CSMD2: variants seen among roughly 807,000 people sequenced by gnomAD.
CSMD2 encodes the protein CUB and Sushi multiple domains 2, also known as CUB and sushi domain-containing protein 2.
A neutral mutation model predicts 398.5 loss-of-function variants in CSMD2; 130 were observed. The ratio of observed to expected loss-of-function variants is 0.33; its 90% CI spans 0.28 to 0.38. The LOEUF (loss-of-function observed/expected upper bound fraction) is 0.38, where lower values mean the gene tolerates loss of function less well. Among genes scored for constraint, CSMD2 ranks in the 10% least tolerant of loss-of-function variants. The pLI, the probability that CSMD2 is intolerant of heterozygous loss-of-function variation, is 1.00. For synonymous variants in CSMD2, 1,828 were observed against 1,908.5 expected (o/e 0.96, Z 1.10); for missense variants, 3,829 against 4,764.9 (o/e 0.80, Z 5.78).
At chr1:33,730,402 G>A (rs80277992) in intron 15 of CSMD2, among the ~76,000 whole-genome samples, 8,312 of 152,166 alleles carry the variant, frequency 0.055, 271 homozygotes, top group East Asian at 0.12. Flanking sequence ...TATATATTTA[G>A]CTTTGGAACT....
At chr1:33,834,076 C>T (rs1305900787) in intron 6 of CSMD2, among the ~76,000 whole-genome samples, 1 of 120,632 alleles carries the variant, frequency 8.3e-6, no homozygotes, top group African/African-American at 3.6e-5. Flanking sequence ...CCATACTGCC[C>T]AAGGTAATTT....
intron 3 of CSMD2, among the ~76,000 whole-genome samples, chr1:33,973,448 C>T (rs1011150947): frequency 6.6e-6 from 1 of 152,182 alleles, no homozygotes; most frequent in African/African-American, 2.4e-5. Context: ...TTCATTGACC[C>T]CATGCACTGC....
intron 25 of CSMD2, among the ~76,000 whole-genome samples, chr1:33,665,458 CTCTTT>C (rs892024955): frequency 4.1e-5 from 5 of 122,162 alleles, no homozygotes; most frequent in Non-Finnish European, 6.7e-5. Context: ...TCTTTCTTCT[CTCTTT>C]TTTTTTTTTT....
intron 12 of CSMD2, among the ~76,000 whole-genome samples, chr1:33,782,670 G>A (rs1048088600): frequency 6.6e-6 from 1 of 152,186 alleles, no homozygotes; most frequent in Admixed American, 6.5e-5. Context: ...GATTATGACT[G>A]AGTAGATCCT....
intron 24 of CSMD2, among the ~76,000 whole-genome samples, chr1:33,694,611 G>A (rs1367153626): frequency 3.9e-5 from 6 of 152,016 alleles, no homozygotes; most frequent in African/African-American, 7.2e-5. Context: ...TTCCCCTTCC[G>A]CCATGATTGT....
In CSMD2 at chr1:33,652,476, A is replaced by C. The variant is rs190720465; in HGVS notation, c.4448-15T>G. On this transcript the variant is annotated splice_polypyrimidine_tract_variant and intron_variant, in intron 27 of 70. Transcript: ENST00000373381. ...CCCGCAGGGAGCTGAGGAGAGAAGA[A>C]GACGAGGGTGAGGCTGCCTCTTCAC... The C allele has an allele frequency of 4.3e-4, 693 of 1,612,772 alleles. 4 individuals are homozygous for C. In the African/African-American group the frequency reaches 8.1e-3, roughly 19 times the overall value.
intron 15 of CSMD2, among the ~76,000 whole-genome samples, chr1:33,731,921 C>G (rs919610881): frequency 1.3e-5 from 2 of 152,098 alleles, no homozygotes; most frequent in Non-Finnish European, 1.5e-5. Flanking sequence ...ATCCCAGAAC[C>G]AGCAGGGTGG....
chr1:33,889,451 C>T (rs1250201061), intron 5 of CSMD2, among the ~76,000 whole-genome samples: 1 of 152,102 alleles, frequency 6.6e-6, no homozygotes, highest in Non-Finnish European at 1.5e-5. Context: ...ATGAAATTGG[C>T]ACAGTCTTTC....
intron 3 of CSMD2, among the ~76,000 whole-genome samples, chr1:34,028,533 T>G (rs1649992530): frequency 6.6e-6 from 1 of 152,184 alleles, no homozygotes; most frequent in African/African-American, 2.4e-5. Context: ...CCCCTGCCTC[T>G]GGCTTATCTC....
chr1:34,146,116 T>C (rs1639741473), intron 1 of CSMD2, among the ~76,000 whole-genome samples: 1 of 152,162 alleles, frequency 6.6e-6, no homozygotes, highest in Non-Finnish European at 1.5e-5. Flanking sequence ...TGCGATGGCA[T>C]GATCACTCCT....
At chr1:33,584,456 G>A (rs1425080449) in intron 46 of CSMD2, among the ~76,000 whole-genome samples, 2 of 152,102 alleles carry the variant, frequency 1.3e-5, no homozygotes, top group African/African-American at 4.8e-5. Flanking sequence ...TGAATCATGA[G>A]GTCAAGAACT....
In CSMD2 at chr1:34,062,454, T is replaced by C. The variant is rs187323158; in HGVS notation, c.404+26523A>G. 6.6e-5 allele frequency among the ~76,000 whole-genome samples: 10 copies of C among 152,178 alleles called. No homozygotes were observed. In the East Asian group the frequency reaches 1.5e-3, roughly 24 times the overall value. On this transcript the variant is annotated intron_variant, in intron 2 of 70. Coordinates refer to ENST00000373381, the MANE Select transcript of CSMD2 (RefSeq NM_001281956.2). ...GCCTTAAAACAGACAAGCCAGGAAG[T>C]CCCGCTGTGGCCATGTTTCAGGACA...
intron 3 of CSMD2, among the ~76,000 whole-genome samples, chr1:33,984,047 G>A (rs2002803): frequency 0.23 from 35,158 of 152,036 alleles, 4,986 homozygotes; most frequent in Non-Finnish European, 0.32. Flanking sequence ...CCAGCTACTC[G>A]GGAGGCTGAG....
chr1:34,091,107 C>T (rs1302892155), intron 1 of CSMD2, among the ~76,000 whole-genome samples: 1 of 152,080 alleles, frequency 6.6e-6, no homozygotes, highest in African/African-American at 2.4e-5. Context: ...GTAACTTCTC[C>T]TTGGTGGTAC....
At chr1:33,962,937 T>C (rs891074970) in intron 3 of CSMD2, among the ~76,000 whole-genome samples, 14 of 152,266 alleles carry the variant, frequency 9.2e-5, no homozygotes, top group African/African-American at 3.1e-4. Context: ...GAGATTTCTG[T>C]TTCCTTCATT....
At position 33,625,065 on chromosome 1, in the gene CSMD2, G is replaced by C; in HGVS notation, c.5486C>G (p.Ala1829Gly). The change falls in exon 34 of 71, where the codon GCG becomes GGG. Residue 1829 changes from alanine to glycine, a missense_variant. Coordinates refer to ENST00000373381, the MANE Select transcript of CSMD2 (RefSeq NM_001281956.2). ...PGALAQWNVS[A>G]PTCVVPCGGN... ...TGGTTACTCACCCACACACGTGGGC[G>C]CTGAGACATTCCATTGGGCCAAGGC... is the stretch of plus-strand genomic sequence containing the variant. 1.2e-6 allele frequency: 2 copies of C among 1,614,010 alleles called. No individual in the cohort carries two copies. Among genetic ancestry groups the C allele is most frequent in the Non-Finnish European group, 1.7e-6 (2 of 1,179,990 alleles).
rs916387848 is a variant in CSMD2, at chr1:33,519,526, C to T, written c.10888G>A (p.Ala3630Thr). 1 of 1,613,726 alleles carries T rather than the reference C, an allele frequency of 6.2e-7. No homozygotes were observed. Among genetic ancestry groups the T allele is most frequent in the Non-Finnish European group, 8.5e-7 (1 of 1,179,980 alleles). The stretch of plus-strand genomic sequence containing the variant: ...GCGGCCAGGCCGGGTGGCTATACTG[C>T]TGTGCACACTGTGCTGACTGTGAAC... ...AEFTVSTVCT[A>T]V is the part of the protein sequence containing the mutation. The change falls in exon 70 of 71, where the codon GCA becomes ACA. Residue 3630 changes from alanine (A) to threonine (T), a missense_variant. By Grantham distance (58) the Ala-to-Thr change is moderately conservative. Around this residue, in one of 5 missense-constraint regions of CSMD2, gnomAD observed 917 missense variants for 1,199.5 expected, o/e 0.76. Transcript: ENST00000373381. This position sits in a 1 kb window ranked among gnomAD's most constrained non-coding sequence, Gnocchi z 5.6.
chr1:33,557,741 C>T lies in CSMD2; in HGVS notation c.8736G>A (p.Gln2912=). The stretch of plus-strand genomic sequence containing the variant: ...CAGGTGACATCTACTTACAGAGACA[C>T]TGGGGGCGGGGACGGTCCCATGTGC... ...GDGTWDRPRP[Q]CLLVSCGHPG... Residue 2912 remains glutamine, a synonymous_variant, in exon 55 of 71, where the codon CAG becomes CAA. Transcript: ENST00000373381. 2 of 1,535,880 alleles carry T rather than the reference C, an allele frequency of 1.3e-6. No homozygotes were observed.
rs577624461 is a variant in CSMD2 at position 34,023,339 on chromosome 1, GA to G, written c.517+9254del. Among the ~76,000 whole-genome samples, 104 of 152,334 alleles carry G rather than the reference GA, an allele frequency of 6.8e-4. 1 individual carries two copies. Among genetic ancestry groups the G allele is most frequent in the African/African-American group, 2.4e-3 (98 of 41,576 alleles). ...AGTACTGCGAAAGTATGCCCAGGCA[GA>G]GGGGTGATAAGGATTAGAACCCAGC... is the stretch of plus-strand genomic sequence containing the variant. On this transcript the variant is annotated intron_variant, in intron 3 of 70. Coordinates refer to ENST00000373381, the MANE Select transcript of CSMD2 (RefSeq NM_001281956.2).
Sources: gnomAD v4.1 joint callset for allele counts (sites outside exome capture counted in the v4.1 genomes callset) on GRCh38, gnomAD v4.1.1 for gene constraint, gnomAD v4.1.1 regional missense constraint, Gnocchi (gnomAD v3.1) non-coding constraint, MANE v1.5 for transcripts, NCBI Gene and HGNC (gene_info 2026-07-23, HGNC 2026-07-21) for gene names.